The following NPAS4 variants were observed in gnomAD, a reference collection of about 807,000 sequenced individuals.
The protein encoded by NPAS4 is neuronal PAS domain-containing protein 4.
A neutral mutation model predicts 64.0 loss-of-function variants in NPAS4; 10 were observed. That is an observed-to-expected ratio of 0.16 (90% CI 0.10 to 0.26). The LOEUF (loss-of-function observed/expected upper bound fraction) is 0.26. NPAS4 is among the 10% of genes least tolerant of loss of function. The pLI, the probability that NPAS4 is intolerant of heterozygous loss-of-function variation, is 1.00. For missense variants in NPAS4, 886 were observed against 992.6 expected (o/e 0.89, Z 1.44); for synonymous variants, 441 against 411.7 (o/e 1.07, Z -0.86).
chr11:66,419,640 T>C (rs1210853592), upstream of NPAS4, among the ~76,000 whole-genome samples: 2 of 137,960 alleles, frequency 1.4e-5, no homozygotes, highest in African/African-American at 5.6e-5. Flanking sequence ...GAACGGCACA[T>C]CCTCGCCCCT....
At chr11:66,423,521 G>A (rs990168215) in intron 5 of NPAS4, 57 bp from the exon 6 acceptor site, 2 of 1,602,816 alleles carry the variant, frequency 1.2e-6, no homozygotes, top group Non-Finnish European at 1.7e-6. Flanking sequence ...ACCAAGGGTG[G>A]GGAGTAGGTA....
intron 1 of NPAS4, among the ~76,000 whole-genome samples, chr11:66,421,677 G>T (rs1856744442): frequency 6.6e-6 from 1 of 152,252 alleles, no homozygotes; most frequent in South Asian, 2.1e-4. Context: ...GAAGTTGCAG[G>T]GATGGAGCTG....
rs762231610 is a variant in NPAS4 at position 66,425,140 on chromosome 11, C to T, written c.2250C>T (p.Asp750=). The T allele has an allele frequency of 6.9e-6, 11 of 1,605,818 alleles. No homozygotes were observed. The highest frequency in any genetic ancestry group is 4.0e-5 in the African/African-American group (3 of 74,368). The change falls in exon 7 of 8, where the codon GAC becomes GAT. Residue 750 remains aspartate (D), a synonymous_variant. Transcript: ENST00000311034. ...PSPCNNLSPE[D]HSFLEDLATY... is the part of the protein sequence containing the mutation. ...CTTGCAACAACCTGTCCCCAGAAGA[C>T]CACAGCTTCCTGGAGGACCTGGCCA...
the NPAS4 span, among the ~76,000 whole-genome samples, chr11:66,409,625 C>A: frequency 1.3e-5 from 2 of 152,116 alleles, no homozygotes; most frequent in Non-Finnish European, 2.9e-5. Flanking sequence ...CCTCCTTAAA[C>A]TGGAAGGGAA....
chr11:66,421,005 C>T, upstream of NPAS4: 1 of 594,910 alleles, frequency 1.7e-6, no homozygotes, highest in South Asian at 2.1e-5. Flanking sequence ...CTGGCAGGAG[C>T]TATATAAGGC....
upstream of NPAS4, among the ~76,000 whole-genome samples, chr11:66,418,378 T>C (rs1259607464): frequency 1.3e-5 from 2 of 152,152 alleles, no homozygotes; most frequent in Non-Finnish European, 2.9e-5. Flanking sequence ...TGCTTGCTAT[T>C]TCGGAACCGT....
the NPAS4 span, chr11:66,410,973 G>A: frequency 6.6e-6 from 1 of 152,306 alleles, no homozygotes; most frequent in African/African-American, 2.4e-5. Flanking sequence ...TCCCTCCAAT[G>A]GTGAGTCCCC....
At chr11:66,423,068 A>G in intron 4 of NPAS4, 55 bp from the exon 5 acceptor site, 1 of 1,489,104 alleles carries the variant, frequency 6.7e-7, no homozygotes, top group Non-Finnish European at 9.2e-7. Flanking sequence ...AGTGAGATGC[A>G]TGGGTATCAA....
chr11:66,420,367 G>A (rs1456941305), upstream of NPAS4, among the ~76,000 whole-genome samples: 1 of 152,194 alleles, frequency 6.6e-6, no homozygotes, highest in African/African-American at 2.4e-5. Context: ...CCATCCTCGG[G>A]ACTTAGACCC....
In NPAS4 at chr11:66,426,059, C is replaced by T. The variant is rs1038493863; in HGVS notation, c.*70C>T. The T allele has an allele frequency of 8.4e-7, 1 of 1,193,988 alleles. No homozygotes were observed. Among genetic ancestry groups the T allele is most frequent in the Non-Finnish European group, 1.3e-6 (1 of 798,314 alleles). 74.0% of individuals were successfully genotyped at this position (1,193,988 alleles called of 1,614,324 possible). ...AAGACGTGGAGCCGCTCTCCACCCC[C>T]CCGGGACTGTTGGGGGGATTCTGAG... On this transcript the variant is annotated 3_prime_UTR_variant, in exon 8 of 8. Transcript: ENST00000311034.
At chr11:66,409,616 C>G in the NPAS4 span, among the ~76,000 whole-genome samples, 64 of 152,246 alleles carry the variant, frequency 4.2e-4, no homozygotes, top group African/African-American at 1.5e-3. Context: ...CTCCAACCCC[C>G]TCCTTAAACT....
upstream of NPAS4, among the ~76,000 whole-genome samples, chr11:66,419,347 TCTC>T (rs1458183553): frequency 1.3e-5 from 2 of 152,042 alleles, no homozygotes; most frequent in South Asian, 4.1e-4. Context: ...AAGACATACT[TCTC>T]CTCAGCCGCC....
At chr11:66,425,332 AT>A (rs1856823002) in intron 7 of NPAS4, 62 bp downstream of exon 7, 1 of 949,064 alleles carries the variant, frequency 1.1e-6, no homozygotes, top group Non-Finnish European at 1.5e-6. Flanking sequence ...TGCTGGGTAG[AT>A]TTAGGCAAAT....
chr11:66,421,147 G>T lies in NPAS4; in HGVS notation c.-33G>T. The T allele has an allele frequency of 6.4e-7, 1 of 1,560,576 alleles. No individual in the cohort carries two copies. The highest frequency in any genetic ancestry group is 8.7e-7 in the Non-Finnish European group (1 of 1,151,280). On this transcript the variant is annotated 5_prime_UTR_variant, in exon 1 of 8. Transcript: ENST00000311034. ...GTCGGGACGGGAGCGCAGGTGCTCG[G>T]GCACCCGAGCTGGAGCTCCGCAGCC...
rs1456299372 is a variant in NPAS4, at chr11:66,423,617, G to A, written c.848G>A (p.Arg283Lys). The A allele has an allele frequency of 1.9e-6, 3 of 1,614,032 alleles. No homozygotes were observed. The highest frequency in any genetic ancestry group is 4.5e-5 in the East Asian group (2 of 44,898). ...GATATTCAGGCAGAGATGGTGGTGA[G>A]GCTACAGGCCAAGACTGGAGGCTGG... ...SGDIQAEMVV[R>K]LQAKTGGWAW... Residue 283 changes from arginine (R) to lysine (K), a missense_variant, in exon 6 of 8, where the codon AGG (arginine) becomes AAG (lysine). Coordinates refer to ENST00000311034, the MANE Select transcript of NPAS4 (RefSeq NM_178864.4).
chr11:66,422,235 G>C lies in NPAS4; in HGVS notation c.291G>C (p.Leu97=), dbSNP rs372801198. The C allele has an allele frequency of 5.6e-6, 9 of 1,613,950 alleles. No homozygotes were observed. The African/African-American group carries it at 1.2e-4, about 22-fold the overall frequency. ...VFTAEGKLLY[L]SESVSEHLGH... ...CAGCCGAGGGGAAATTGCTCTACCT[G>C]TCTGAGAGTGTGAGCGAGCATCTGG... The change falls in exon 2 of 8, where the codon CTG becomes CTC. Residue 97 remains leucine, a synonymous_variant. Coordinates refer to ENST00000311034, the MANE Select transcript of NPAS4 (RefSeq NM_178864.4).
At chr11:66,412,017 CTA>C in the NPAS4 span, among the ~76,000 whole-genome samples, 1 of 152,224 alleles carries the variant, frequency 6.6e-6, no homozygotes, top group Non-Finnish European at 1.5e-5. Flanking sequence ...CTGTAAACTC[CTA>C]TGTTACGAGC....
chr11:66,414,712 G>A, the NPAS4 span, among the ~76,000 whole-genome samples: 5 of 152,200 alleles, frequency 3.3e-5, no homozygotes, highest in Admixed American at 6.5e-5. Flanking sequence ...AAGACAACAC[G>A]GTCACTGCAC....
chr11:66,426,255 G>A lies in NPAS4; in HGVS notation c.*266G>A. 1 of 411,962 alleles carries A rather than the reference G, an allele frequency of 2.4e-6. No homozygotes were observed. The highest frequency in any genetic ancestry group is 4.5e-6 in the Non-Finnish European group (1 of 223,794). 25.5% of individuals were successfully genotyped at this position (411,962 alleles called of 1,614,324 possible). ...TGAGTTTCCTTGAATGGGATTTCAAGCGGAGAATGGGGGAGTCTCACTTCC... is the reference window on the plus strand; with the variant it reads ...TGAGTTTCCTTGAATGGGATTTCAAACGGAGAATGGGGGAGTCTCACTTCC... On this transcript the variant is annotated 3_prime_UTR_variant, in exon 8 of 8. Transcript: ENST00000311034.
Sources: allele counts gnomAD v4.1 joint callset (sites outside exome capture counted in the v4.1 genomes callset), GRCh38; gene constraint gnomAD v4.1.1; transcripts MANE v1.5; gene names NCBI Gene and HGNC (gene_info 2026-07-23, HGNC 2026-07-21).